ARL15: variants seen among roughly 807,000 people sequenced by gnomAD.
ARL15 encodes the protein ARF like GTPase 15.
In ARL15, 19 loss-of-function variants were observed where a neutral mutation model predicts 25.2. The ratio of observed to expected loss-of-function variants is 0.75; its 90% CI spans 0.53 to 1.10. The LOEUF (loss-of-function observed/expected upper bound fraction) is 1.10. Among genes scored for constraint, ARL15 ranks in the 50% least tolerant of loss-of-function variants. The pLI is 0.00. For missense variants in ARL15, 220 were observed against 246.0 expected (o/e 0.89, Z 0.71); for synonymous variants, 94 against 86.8 (o/e 1.08, Z -0.46).
At chr5:53,966,423 T>A (rs1747568774) in intron 4 of ARL15, among the ~76,000 whole-genome samples, 1 of 152,184 alleles carries the variant, frequency 6.6e-6, no homozygotes, top group East Asian at 1.9e-4. Flanking sequence ...TAAGTAAGTG[T>A]TTCCCTGAGT....
chr5:53,946,181 C>T (rs1478596543), intron 4 of ARL15, among the ~76,000 whole-genome samples: 1 of 152,164 alleles, frequency 6.6e-6, no homozygotes, highest in Non-Finnish European at 1.5e-5. Flanking sequence ...AGGCTGCGCA[C>T]CATCGCTCAC....
intron 1 of ARL15, among the ~76,000 whole-genome samples, chr5:54,230,507 C>A (rs1464148449): frequency 6.6e-6 from 1 of 152,134 alleles, no homozygotes; most frequent in Non-Finnish European, 1.5e-5. Flanking sequence ...ACGGTCTCCT[C>A]AAATGCCATG....
At chr5:53,899,320 C>G (rs372407749) in intron 4 of ARL15, among the ~76,000 whole-genome samples, 1 of 130,188 alleles carries the variant, frequency 7.7e-6, no homozygotes, top group Non-Finnish European at 1.5e-5. Flanking sequence ...TGCAGTCCAG[C>G]CTGGGTAACA....
intron 4 of ARL15, among the ~76,000 whole-genome samples, chr5:53,942,543 C>T (rs1746572177): frequency 6.6e-6 from 1 of 152,186 alleles, no homozygotes; most frequent in African/African-American, 2.4e-5. Flanking sequence ...GTCAAGAGAT[C>T]GAGACCATCC....
At chr5:53,986,985 G>T (rs1405368787) in intron 4 of ARL15, among the ~76,000 whole-genome samples, 1 of 152,094 alleles carries the variant, frequency 6.6e-6, no homozygotes, top group African/African-American at 2.4e-5. Context: ...GGGGTAGGGT[G>T]GTACAAAAGA....
rs192805410 is a variant in ARL15 at position 54,230,262 on chromosome 5, G to A, written c.49-58334C>T. On this transcript the variant is annotated intron_variant, in intron 1 of 4. Coordinates refer to ENST00000504924, the MANE Select transcript of ARL15 (RefSeq NM_019087.3). ...CTTGGGAGGCTGAGGCAGGAGAATC[G>A]CTTGAACCGGCAGGCGGAGGTTGCA... Among the ~76,000 whole-genome samples the A allele has an allele frequency of 3.7e-3, 559 of 150,466 alleles. 3 individuals carry two copies. Among genetic ancestry groups the A allele is most frequent in the African/African-American group, 0.013 (534 of 40,844 alleles).
intron 3 of ARL15, among the ~76,000 whole-genome samples, chr5:54,128,948 G>A (rs1030098746): frequency 7.2e-5 from 11 of 151,950 alleles, no homozygotes; most frequent in Admixed American, 2.6e-4. Context: ...CTCATGATCC[G>A]CCCACCTCAG....
intron 1 of ARL15, among the ~76,000 whole-genome samples, chr5:54,200,557 T>A (rs1286182896): frequency 6.6e-6 from 1 of 151,948 alleles, no homozygotes; most frequent in Non-Finnish European, 1.5e-5. Flanking sequence ...TTGAGGGTAC[T>A]TAAGTTACAC....
chr5:54,018,604 C>T (rs890979637), intron 4 of ARL15, among the ~76,000 whole-genome samples: 9 of 152,156 alleles, frequency 5.9e-5, no homozygotes, highest in African/African-American at 2.2e-4. Context: ...TTTCAAACAT[C>T]CAAAAATTTT....
chr5:53,912,150 T>C (rs1279702974), intron 4 of ARL15: 5 of 152,138 alleles, frequency 3.3e-5, no homozygotes, highest in Non-Finnish European at 7.4e-5. Context: ...ATTAAAAATA[T>C]ATATATTAAC....
intron 4 of ARL15, among the ~76,000 whole-genome samples, chr5:54,012,432 T>G (rs1318443432): frequency 6.6e-6 from 1 of 152,218 alleles, no homozygotes; most frequent in Non-Finnish European, 1.5e-5. Flanking sequence ...AGTTTTGTCT[T>G]GAATGATTGA....
chr5:54,132,929 T>A (rs75963317), intron 3 of ARL15, among the ~76,000 whole-genome samples: 6,278 of 152,212 alleles, frequency 0.041, 441 homozygotes, highest in African/African-American at 0.14. Flanking sequence ...TTTTCACTTA[T>A]CCAACTGCCT....
chr5:54,269,932 A>G (rs984548113), intron 1 of ARL15, among the ~76,000 whole-genome samples: 14 of 152,320 alleles, frequency 9.2e-5, no homozygotes, highest in Admixed American at 7.2e-4. Context: ...GGCGTGAGCC[A>G]CCACGCCCGG....
intron 4 of ARL15, among the ~76,000 whole-genome samples, chr5:54,039,541 T>C (rs1173198032): frequency 6.6e-6 from 1 of 152,112 alleles, no homozygotes; most frequent in Non-Finnish European, 1.5e-5. Context: ...GGCTCAGGCC[T>C]GTAATCCCAG....
At chr5:54,153,079 T>C (rs868139206) in intron 3 of ARL15, among the ~76,000 whole-genome samples, 26 of 152,178 alleles carry the variant, frequency 1.7e-4, no homozygotes, top group African/African-American at 9.6e-5. Flanking sequence ...AACCTAAAAA[T>C]AAAATACTTA....
At chr5:54,055,125 T>C (rs2112004922) in intron 4 of ARL15, among the ~76,000 whole-genome samples, 1 of 152,298 alleles carries the variant, frequency 6.6e-6, no homozygotes, top group Admixed American at 6.5e-5. Flanking sequence ...AGAAACATCA[T>C]ACTCATTGGC....
intron 1 of ARL15, among the ~76,000 whole-genome samples, chr5:54,284,848 C>G (rs1758146823): frequency 6.6e-6 from 1 of 152,188 alleles, no homozygotes; most frequent in Non-Finnish European, 1.5e-5. Flanking sequence ...ATAATATTCT[C>G]AACAATGGCC....
At chr5:54,119,029 ACCATGT>A (rs1752994066) in intron 3 of ARL15, among the ~76,000 whole-genome samples, 1 of 152,136 alleles carries the variant, frequency 6.6e-6, no homozygotes, top group South Asian at 2.1e-4. Context: ...TGCATTGAGG[ACCATGT>A]CTGCATTCTG....
chr5:54,199,356 A>G (rs1025077584), intron 1 of ARL15, among the ~76,000 whole-genome samples: 8 of 151,746 alleles, frequency 5.3e-5, no homozygotes, highest in Admixed American at 1.3e-4. Context: ...CAGAGTGAAC[A>G]GGCAACCCAC....
Sources: gnomAD v4.1 joint callset for allele counts (sites outside exome capture counted in the v4.1 genomes callset) on GRCh38, gnomAD v4.1.1 for gene constraint, MANE v1.5 for transcripts, NCBI Gene and HGNC (gene_info 2026-07-23, HGNC 2026-07-21) for gene names.